Variants in ATP11B observed in about 807,000 individuals in gnomAD.
ATP11B encodes the protein ATPase phospholipid transporting 11B (putative).
In ATP11B, 81 loss-of-function variants were observed where a neutral mutation model predicts 157.8. The observed-to-expected ratio is 0.51, with a 90% CI of 0.43 to 0.62. The LOEUF is 0.62. Ranked by LOEUF, ATP11B falls within the 20% of genes least tolerant of loss-of-function variation. ATP11B has a pLI of 0.00. For synonymous variants in ATP11B, 451 were observed against 469.4 expected (o/e 0.96, Z 0.51); for missense variants, 1,165 against 1,402.2 (o/e 0.83, Z 2.70).
At chr3:182,915,290 A>G (rs1725066251) in intron 29 of ATP11B, 2 of 985,252 alleles carry the variant, frequency 2.0e-6, no homozygotes, top group Non-Finnish European at 2.4e-6. Context: ...TTCTGACTTG[A>G]TTATAACGTG....
At chr3:182,797,357 G>C (rs189928561) in intron 1 of ATP11B, among the ~76,000 whole-genome samples, 1 of 152,296 alleles carries the variant, frequency 6.6e-6, no homozygotes, top group East Asian at 1.9e-4. Flanking sequence ...TGGCTAGTTT[G>C]AGTAGAGTTA....
intron 4 of ATP11B, among the ~76,000 whole-genome samples, chr3:182,832,407 C>T (rs1184229282): frequency 6.6e-6 from 1 of 152,172 alleles, no homozygotes; most frequent in Admixed American, 6.5e-5. Context: ...AGAGTTTTCT[C>T]TTTTGCAACA....
chr3:182,837,548 A>G (rs145838587), intron 7 of ATP11B, among the ~76,000 whole-genome samples: 1 of 152,202 alleles, frequency 6.6e-6, no homozygotes, highest in East Asian at 1.9e-4. Context: ...TGTTTTTACC[A>G]CTATAGAGGA....
At position 182,860,209 on chromosome 3, in the gene ATP11B, GT is replaced by G. The variant is rs1231857800; in HGVS notation, c.1200+854del. 3.9e-5 allele frequency among the ~76,000 whole-genome samples: 6 copies of G among 152,222 alleles called. No homozygotes were observed. In the East Asian group the frequency reaches 1.2e-3, roughly 29 times the overall value. ...GAGAAAGGATGTATCAGAGGATAAT[GT>G]TTTGAAACTTGGCATGTCTGAAAAT... is the stretch of plus-strand genomic sequence containing the variant. On this transcript the variant is annotated intron_variant, in intron 12 of 29. Transcript: ENST00000323116.
In ATP11B at chr3:182,919,917, G is replaced by A. The variant is rs1302399889; in HGVS notation, c.*1813G>A. 7 of 152,130 alleles carry A rather than the reference G, an allele frequency of 4.6e-5. No homozygotes were observed. Among genetic ancestry groups the A allele is most frequent in the African/African-American group, 1.2e-4 (5 of 41,428 alleles). 9.4% of individuals were successfully genotyped at this position (152,130 alleles called of 1,614,324 possible). A position where few individuals can be genotyped will look rare whatever the true frequency, so the allele number is the denominator to read the frequency against. ...GAAGTACTAAAAAGAATAATACAAC[G>A]TACAATGTCTGCATTCACTAATTCA... On this transcript the variant is annotated 3_prime_UTR_variant, in exon 30 of 30. Coordinates refer to ENST00000323116, the MANE Select transcript of ATP11B (RefSeq NM_014616.3).
Position 182,793,717 on chromosome 3 carries a change from C to T in ATP11B, c.-43C>T. The T allele has an allele frequency of 7.2e-7, 1 of 1,383,218 alleles. No individual in the cohort carries two copies. The highest frequency in any genetic ancestry group is 9.5e-7 in the Non-Finnish European group (1 of 1,054,758). 85.7% of individuals were successfully genotyped at this position (1,383,218 alleles called of 1,614,324 possible). On this transcript the variant is annotated 5_prime_UTR_variant, in exon 1 of 30. Coordinates refer to ENST00000323116, the MANE Select transcript of ATP11B (RefSeq NM_014616.3). ...TTGTCGGCCTCCACCTGCAGCCCCG[C>T]GGCCCCCGCGCCCCGCGGGACCCGG...
At chr3:182,891,696 A>G (rs184248271) in intron 25 of ATP11B, among the ~76,000 whole-genome samples, 1 of 152,316 alleles carries the variant, frequency 6.6e-6, no homozygotes, top group East Asian at 1.9e-4. Context: ...GTTATTGGCC[A>G]TTAGTATAAA....
chr3:182,865,818 A>G (rs952854324), intron 13 of ATP11B, 120 bp downstream of exon 13: 1 of 741,034 alleles, frequency 1.3e-6, no homozygotes, highest in Admixed American at 3.1e-5. Flanking sequence ...TTTGAAATTC[A>G]TATATTTGAT....
At chr3:182,851,983 A>G (rs566316751) in intron 10 of ATP11B, among the ~76,000 whole-genome samples, 9 of 152,362 alleles carry the variant, frequency 5.9e-5, no homozygotes, top group East Asian at 1.9e-4. Context: ...AAAACTGAAC[A>G]CTAGAATAGT....
chr3:182,818,271 G>A (rs1293277852), intron 1 of ATP11B, among the ~76,000 whole-genome samples: 1 of 152,190 alleles, frequency 6.6e-6, no homozygotes, highest in Non-Finnish European at 1.5e-5. Flanking sequence ...GAGAAATACA[G>A]CCCTAGACTA....
At chr3:182,811,266 C>A (rs925915998) in intron 1 of ATP11B, among the ~76,000 whole-genome samples, 1 of 152,122 alleles carries the variant, frequency 6.6e-6, no homozygotes, top group East Asian at 1.9e-4. Context: ...CTGGTAATTG[C>A]ATTCCTGGAA....
intron 19 of ATP11B, 61 bp downstream of exon 19, chr3:182,874,076 C>T (rs1577060271): frequency 8.8e-6 from 13 of 1,469,624 alleles, no homozygotes; most frequent in Non-Finnish European, 1.2e-5. Flanking sequence ...GTTCCCTGGG[C>T]CCGATGATAT....
chr3:182,842,271 C>A, intron 8 of ATP11B, 149 bp downstream of exon 8: 1 of 641,568 alleles, frequency 1.6e-6, no homozygotes, highest in Non-Finnish European at 2.7e-6. Flanking sequence ...GTTTTGTTTA[C>A]ATTTAGTGGT....
At chr3:182,834,749 G>A (rs968084559) in intron 4 of ATP11B, among the ~76,000 whole-genome samples, 5 of 152,086 alleles carry the variant, frequency 3.3e-5, no homozygotes, top group Admixed American at 3.3e-4. Context: ...GATCCATACA[G>A]GCTAACATAT....
intron 1 of ATP11B, among the ~76,000 whole-genome samples, chr3:182,800,804 A>C: frequency 6.8e-6 from 1 of 146,468 alleles, no homozygotes; most frequent in Non-Finnish European, 1.5e-5. Flanking sequence ...TTTTTTTAAG[A>C]CAGTCTCGCT....
intron 25 of ATP11B, among the ~76,000 whole-genome samples, chr3:182,890,130 TA>T (rs1723078405): frequency 6.6e-6 from 1 of 152,152 alleles, no homozygotes; most frequent in Non-Finnish European, 1.5e-5. Context: ...GAGTGCATTT[TA>T]AACAGTACAC....
chr3:182,872,966 C>T (rs1044317225), intron 18 of ATP11B, among the ~76,000 whole-genome samples: 2 of 152,182 alleles, frequency 1.3e-5, no homozygotes, highest in Non-Finnish European at 2.9e-5. Context: ...CTTCCCTTCA[C>T]CATCCCTCTG....
chr3:182,876,623 A>G (rs1198444550), intron 19 of ATP11B, among the ~76,000 whole-genome samples: 3 of 152,208 alleles, frequency 2.0e-5, no homozygotes, highest in African/African-American at 7.2e-5. Context: ...CCCTGTTCCA[A>G]AATGGTGCCT....
intron 25 of ATP11B, 33 bp downstream of exon 25, chr3:182,889,581 T>C: frequency 6.7e-7 from 1 of 1,488,700 alleles, no homozygotes; most frequent in Non-Finnish European, 8.9e-7. Flanking sequence ...AGAATGCTTG[T>C]TAATATTTTA....
Sources: allele counts gnomAD v4.1 joint callset (sites outside exome capture counted in the v4.1 genomes callset), GRCh38; gene constraint gnomAD v4.1.1; transcripts MANE v1.5; gene names NCBI Gene and HGNC (gene_info 2026-07-23, HGNC 2026-07-21).